BCL7A: variants seen among roughly 807,000 people sequenced by gnomAD.
The protein encoded by BCL7A is BAF chromatin remodeling complex subunit BCL7A.
In BCL7A, 11 loss-of-function variants were observed where a neutral mutation model predicts 28.4. The ratio of observed to expected loss-of-function variants is 0.39; its 90% CI spans 0.24 to 0.64. BCL7A has a LOEUF of 0.64. Among genes scored for constraint, BCL7A ranks in the 30% least tolerant of loss-of-function variants. The probability of loss-of-function intolerance (pLI) is 0.50; values close to 1 mark genes in which losing one functional copy is unlikely to be tolerated. For synonymous variants in BCL7A, 123 were observed against 103.3 expected (o/e 1.19, Z -1.15); for missense variants, 222 against 274.8 (o/e 0.81, Z 1.36).
intron 3 of BCL7A, 77 bp from the exon 4 acceptor site, chr12:122,043,809 G>C: frequency 6.9e-7 from 1 of 1,448,772 alleles, no homozygotes; most frequent in Non-Finnish European, 9.2e-7. Context: ...GAGGCACAGG[G>C]ATGCTGAGCC....
At chr12:122,030,277 G>A (rs993720451) in intron 1 of BCL7A, among the ~76,000 whole-genome samples, 2 of 152,194 alleles carry the variant, frequency 1.3e-5, no homozygotes, top group South Asian at 4.1e-4. Flanking sequence ...GGAGCCCCGG[G>A]GTGTCCTTGG....
chr12:122,024,239 C>T (rs576692244), intron 1 of BCL7A, among the ~76,000 whole-genome samples: 3 of 152,340 alleles, frequency 2.0e-5, no homozygotes, highest in South Asian at 2.1e-4. Flanking sequence ...CATGGTCCAG[C>T]TTCCAGTTCA....
chr12:122,022,210 G>T (rs775306735), intron 1 of BCL7A, 27 bp downstream of exon 1: 1 of 1,403,976 alleles, frequency 7.1e-7, no homozygotes, highest in Non-Finnish European at 9.4e-7. Flanking sequence ...GCCGCCAGCC[G>T]CCTCCCCGGC....
intron 3 of BCL7A, among the ~76,000 whole-genome samples, chr12:122,042,105 G>T (rs1288145567): frequency 6.6e-6 from 1 of 151,982 alleles, no homozygotes; most frequent in Non-Finnish European, 1.5e-5. Context: ...GCCTGAGAAG[G>T]GGGTGCAGGA....
At chr12:122,054,749 C>A in intron 4 of BCL7A, 56 bp from the exon 5 acceptor site, 1 of 1,560,162 alleles carries the variant, frequency 6.4e-7, no homozygotes, top group Non-Finnish European at 8.7e-7. Context: ...TTGGCCCCAC[C>A]GGCCCCGCCT....
chr12:122,023,260 C>T (rs975492400), intron 1 of BCL7A, among the ~76,000 whole-genome samples: 1 of 152,158 alleles, frequency 6.6e-6, no homozygotes, highest in African/African-American at 2.4e-5. Flanking sequence ...TTTTCCCACG[C>T]CTTCACTGGG....
intron 2 of BCL7A, among the ~76,000 whole-genome samples, chr12:122,034,243 A>ATG (rs1565936754): frequency 2.2e-5 from 2 of 90,286 alleles, no homozygotes; most frequent in Non-Finnish European, 4.2e-5. Flanking sequence ...ATATATATAT[A>ATG]TCTTGGCGAT....
At chr12:122,024,006 GC>G in intron 1 of BCL7A, among the ~76,000 whole-genome samples, 1 of 152,230 alleles carries the variant, frequency 6.6e-6, no homozygotes, top group South Asian at 2.1e-4. Flanking sequence ...CACCCTGACA[GC>G]TGCTCCCGCA....
intron 1 of BCL7A, among the ~76,000 whole-genome samples, chr12:122,025,085 A>G (rs2135837131): frequency 6.6e-6 from 1 of 152,228 alleles, no homozygotes; most frequent in Admixed American, 6.5e-5. Context: ...AAGATGGCTA[A>G]AGGGAAAACA....
At chr12:122,040,276 A>G (rs1279127051) in intron 3 of BCL7A, among the ~76,000 whole-genome samples, 1 of 152,158 alleles carries the variant, frequency 6.6e-6, no homozygotes, top group East Asian at 1.9e-4. Flanking sequence ...CACACCCATA[A>G]TCCTAGGACT....
At chr12:122,022,438 G>A (rs113071135) in intron 1 of BCL7A, among the ~76,000 whole-genome samples, 2 of 145,174 alleles carry the variant, frequency 1.4e-5, no homozygotes, top group South Asian at 2.1e-4. Context: ...GGAGGCGGCG[G>A]GCGCCGGGGC....
intron 2 of BCL7A, 92 bp downstream of exon 2, chr12:122,030,873 C>A: frequency 1.5e-6 from 2 of 1,316,740 alleles, no homozygotes; most frequent in Non-Finnish European, 2.2e-6. Context: ...ACCCACCGTG[C>A]TGGGGCTCTG....
chr12:122,023,966 T>TG, intron 1 of BCL7A, among the ~76,000 whole-genome samples: 1 of 152,232 alleles, frequency 6.6e-6, no homozygotes, highest in Admixed American at 6.5e-5. Flanking sequence ...GGCCTCCTAC[T>TG]CCAGGTTCCC....
intron 3 of BCL7A, among the ~76,000 whole-genome samples, chr12:122,041,215 G>T (rs563858629): frequency 6.6e-6 from 1 of 152,258 alleles, no homozygotes; most frequent in South Asian, 2.1e-4. Flanking sequence ...TGGCTCTGCT[G>T]CTCCCAGCCT....
intron 2 of BCL7A, among the ~76,000 whole-genome samples, chr12:122,033,609 G>T (rs531798999): frequency 1.3e-5 from 2 of 152,324 alleles, no homozygotes; most frequent in South Asian, 4.1e-4. Context: ...ACCACGCCCA[G>T]CCACACACCT....
intron 2 of BCL7A, among the ~76,000 whole-genome samples, chr12:122,033,375 G>A (rs996923391): frequency 6.6e-6 from 1 of 152,018 alleles, no homozygotes; most frequent in African/African-American, 2.4e-5. Context: ...GTGCAGTGGT[G>A]CAATCTTGGC....
rs1279395431 is a variant in BCL7A at position 122,061,014 on chromosome 12, G to T, written c.*1851G>T. 8.9e-6 allele frequency: 2 copies of T among 225,042 alleles called. No individual in the cohort carries two copies. The highest frequency in any genetic ancestry group is 1.8e-5 in the Non-Finnish European group (2 of 112,954). The allele number at this position is 225,042 out of a possible 1,614,324, so 13.9% of individuals were successfully genotyped here. On this transcript the variant is annotated 3_prime_UTR_variant, in exon 6 of 6. Transcript: ENST00000261822. ...TTTTGCCCCTTAGGCAGTCAGTTTT[G>T]TTGAGAACTGTGTCCTGCATCCTGG... is the stretch of plus-strand genomic sequence containing the variant.
intron 1 of BCL7A, 152 bp from the exon 2 acceptor site, chr12:122,030,548 C>A (rs1226182461): frequency 1.4e-6 from 1 of 701,310 alleles, no homozygotes; most frequent in African/African-American, 1.8e-5. Flanking sequence ...GGTGATGTGG[C>A]CTGCCCAGGG....
chr12:122,023,725 C>CA (rs1173657805), intron 1 of BCL7A, among the ~76,000 whole-genome samples: 2 of 152,290 alleles, frequency 1.3e-5, no homozygotes, highest in Middle Eastern at 3.4e-3. Flanking sequence ...CGACTGGAGC[C>CA]ATTTAAAAAT....
Sources: allele counts gnomAD v4.1 joint callset (sites outside exome capture counted in the v4.1 genomes callset), GRCh38; gene constraint gnomAD v4.1.1; transcripts MANE v1.5; gene names NCBI Gene and HGNC (gene_info 2026-07-23, HGNC 2026-07-21).